The following TMEM107 variants were observed in gnomAD, a reference collection of about 807,000 sequenced individuals.
TMEM107 encodes transmembrane protein 107.
In TMEM107, 18 loss-of-function variants were observed where a neutral mutation model predicts 16.8. The observed-to-expected ratio is 1.07, with a 90% CI of 0.74 to 1.59. TMEM107 has a LOEUF of 1.59. TMEM107 is among the 40% of genes most tolerant of loss of function. The pLI, the probability that TMEM107 is intolerant of heterozygous loss-of-function variation, is 0.00. For synonymous variants in TMEM107, 68 were observed against 71.6 expected (o/e 0.95, Z 0.25); for missense variants, 152 against 175.4 (o/e 0.87, Z 0.75).
Position 8,176,367 on chromosome 17 carries a change from A to G in TMEM107, c.-81T>C. 1.7e-6 allele frequency: 2 copies of G among 1,172,196 alleles called. No individual in the cohort carries two copies. The highest frequency in any genetic ancestry group is 2.4e-6 in the Non-Finnish European group (2 of 822,990). The allele number at this position is 1,172,196 out of a possible 1,614,324, so 72.6% of individuals were successfully genotyped here. ...TCCTGAAGTCTCCCCGCAAGCCGAC[A>G]AATCTAGACGAACGCCTCCTTCCCG... On this transcript the variant is annotated 5_prime_UTR_variant, in exon 1 of 5. Transcript: ENST00000437139.
chr17:8,176,254 G>T lies in TMEM107; in HGVS notation c.33C>A (p.Arg11=). MGRVSGLVPS[R]FLTLLAHLVV... is the part of the protein sequence containing the mutation. ...CCAGATGCGCCAGGAGCGTCAGGAAGCGAGAGGGCACAAGCCCTGAGACCC... is the reference window on the plus strand; with the variant it reads ...CCAGATGCGCCAGGAGCGTCAGGAATCGAGAGGGCACAAGCCCTGAGACCC... Residue 11 remains arginine, a synonymous_variant, in exon 1 of 5, where the codon CGC becomes CGA. Transcript: ENST00000437139. 1.9e-6 allele frequency: 3 copies of T among 1,614,176 alleles called. No individual in the cohort carries two copies. In the East Asian group the frequency reaches 6.7e-5, roughly 36 times the overall value.
At chr17:8,174,716 C>A (rs1983988404) in intron 3 of TMEM107, 100 bp from the exon 4 acceptor site, 2 of 995,492 alleles carry the variant, frequency 2.0e-6, no homozygotes, top group African/African-American at 1.6e-5. Context: ...CAGGTTCATC[C>A]CTTGCTCCCT....
rs1332215550 is a variant in TMEM107 at position 8,173,000 on chromosome 17, AT to A, written c.*1202del. Reference sequence around the variant, plus strand: ...GAGTTTCTTGGGGGTGTACTGGTAGATTTTTAACAACCAACTCTCCAAAAAC... The same window carrying A: ...GAGTTTCTTGGGGGTGTACTGGTAGATTTTAACAACCAACTCTCCAAAAAC... On this transcript the variant is annotated 3_prime_UTR_variant, in exon 5 of 5. Transcript: ENST00000437139. Among the ~76,000 whole-genome samples the A allele has an allele frequency of 6.6e-6, 1 of 152,090 alleles. No homozygotes were observed. Among genetic ancestry groups the A allele is most frequent in the Non-Finnish European group, 1.5e-5 (1 of 68,022 alleles).
chr17:8,174,639 GAA>G, intron 3 of TMEM107, 23 bp from the exon 4 acceptor site: 1 of 1,607,066 alleles, frequency 6.2e-7, no homozygotes. Flanking sequence ...CGAGATTAAG[GAA>G]AGTCTTTGGA....
intron 3 of TMEM107, 77 bp downstream of exon 3, chr17:8,175,680 A>C (rs1164907104): frequency 1.7e-6 from 2 of 1,150,424 alleles, no homozygotes; most frequent in Admixed American, 1.7e-5. Context: ...TACAGCAGAC[A>C]CTATTGTGTC....
chr17:8,173,442 T>G lies in TMEM107; in HGVS notation c.*761A>C, dbSNP rs142700905. On this transcript the variant is annotated 3_prime_UTR_variant, in exon 5 of 5. Coordinates refer to ENST00000437139, the MANE Select transcript of TMEM107 (RefSeq NM_183065.4). ...ATCAGCATAACACAAATGTAAGTGA[T>G]CGTCAGAAAGAATCAGACAGGAGCA... The G allele has an allele frequency of 2.7e-4, 204 of 761,286 alleles. No homozygotes were observed. The highest frequency in any genetic ancestry group is 2.4e-3 in the South Asian group (178 of 74,358). 47.2% of individuals were successfully genotyped at this position (761,286 alleles called of 1,614,324 possible).
Position 8,174,709 on chromosome 17 carries a change from G to A in TMEM107, c.257-93C>T, listed in dbSNP as rs554907626. 3 of 1,079,650 alleles carry A rather than the reference G, an allele frequency of 2.8e-6. No homozygotes were observed. In the South Asian group the frequency reaches 3.8e-5, roughly 14 times the overall value. The allele number at this position is 1,079,650 out of a possible 1,614,324, so 66.9% of individuals were successfully genotyped here. On this transcript the variant is annotated intron_variant, in intron 3 of 4. Coordinates refer to ENST00000437139, the MANE Select transcript of TMEM107 (RefSeq NM_183065.4). ...TGGTGGGGCTGGCATCTGCATTCAGGTTCATCCCTTGCTCCCTCACCATGT... is the reference window on the plus strand; with the variant it reads ...TGGTGGGGCTGGCATCTGCATTCAGATTCATCCCTTGCTCCCTCACCATGT...
At chr17:8,174,727 C>A (rs1983989293) in intron 3 of TMEM107, 111 bp from the exon 4 acceptor site, 3 of 914,292 alleles carry the variant, frequency 3.3e-6, no homozygotes, top group Non-Finnish European at 5.3e-6. Flanking sequence ...CTTGCTCCCT[C>A]ACCATGTTTC....
chr17:8,176,332 A>C lies in TMEM107; in HGVS notation c.-46T>G. ...GCGGTCTCTGAGGCTGGAAGTTCAG[A>C]GACAGCGACTCCTGAAGTCTCCCCG... On this transcript the variant is annotated 5_prime_UTR_variant, in exon 1 of 5. Transcript: ENST00000437139. 1 of 1,511,972 alleles carries C rather than the reference A, an allele frequency of 6.6e-7. No homozygotes were observed. The highest frequency in any genetic ancestry group is 9.1e-7 in the Non-Finnish European group (1 of 1,097,388). The allele number at this position is 1,511,972 out of a possible 1,614,324, so 93.7% of individuals were successfully genotyped here.
Position 8,173,357 on chromosome 17 carries a change from A to C in TMEM107, c.*846T>G, listed in dbSNP as rs1017399243. ...AACAGCAATAGCAAGACTGCAAAAT[A>C]GACAAACAGCAAGGTTATCCCAGTC... On this transcript the variant is annotated 3_prime_UTR_variant, in exon 5 of 5. Coordinates refer to ENST00000437139, the MANE Select transcript of TMEM107 (RefSeq NM_183065.4). 6.5e-6 allele frequency: 4 copies of C among 615,038 alleles called. No homozygotes were observed. The highest frequency in any genetic ancestry group is 4.0e-5 in the South Asian group (2 of 50,038). 38.1% of individuals were successfully genotyped at this position (615,038 alleles called of 1,614,324 possible).
Position 8,173,283 on chromosome 17 carries a change from A to T in TMEM107, c.*920T>A, listed in dbSNP as rs543768311. The stretch of plus-strand genomic sequence containing the variant: ...AATTCCAGAAAGCAACAAAAACCAA[A>T]TCACAATTTTCAAGAACAAACAAAT... On this transcript the variant is annotated 3_prime_UTR_variant, in exon 5 of 5. Transcript: ENST00000437139. 1.9e-6 allele frequency: 1 copy of T among 536,200 alleles called. No individual in the cohort carries two copies. The highest frequency in any genetic ancestry group is 3.3e-6 in the Non-Finnish European group (1 of 299,142). The allele number at this position is 536,200 out of a possible 1,614,324, so 33.2% of individuals were successfully genotyped here.
chr17:8,175,595 T>G, intron 3 of TMEM107, 162 bp downstream of exon 3: 2 of 757,014 alleles, frequency 2.6e-6, no homozygotes, highest in Non-Finnish European at 4.7e-6. Context: ...TTTACTCTCA[T>G]TTTGGGATTT....
Position 8,173,273 on chromosome 17 carries a change from C to G in TMEM107, c.*930G>C. On this transcript the variant is annotated 3_prime_UTR_variant, in exon 5 of 5. Transcript: ENST00000437139. ...TCACTGCCTAAATTCCAGAAAGCAA[C>G]AAAAACCAAATCACAATTTTCAAGA... 1.9e-6 allele frequency: 1 copy of G among 522,544 alleles called. No homozygotes were observed. Among genetic ancestry groups the G allele is most frequent in the South Asian group, 2.6e-5 (1 of 37,892 alleles). The allele number at this position is 522,544 out of a possible 1,614,324, so 32.4% of individuals were successfully genotyped here. A position where few individuals can be genotyped will look rare whatever the true frequency, so the allele number is the denominator to read the frequency against.
At chr17:8,175,388 C>T (rs1055876711) in intron 3 of TMEM107, 5 of 460,856 alleles carry the variant, frequency 1.1e-5, no homozygotes, top group Non-Finnish European at 2.0e-5. Context: ...TCTTCACACA[C>T]TTCTATAGCA....
Position 8,173,741 on chromosome 17 carries a change from T to C in TMEM107, c.*462A>G. On this transcript the variant is annotated 3_prime_UTR_variant, in exon 5 of 5. Transcript: ENST00000437139. ...TCGCACATTTTTTTAAATTTTTTTT[T>C]CATTCGGCTGCCGAAAAGGAATAAA... The C allele has an allele frequency of 1.8e-6, 1 of 560,900 alleles. No homozygotes were observed. The highest frequency in any genetic ancestry group is 3.2e-6 in the Non-Finnish European group (1 of 315,576). 34.7% of individuals were successfully genotyped at this position (560,900 alleles called of 1,614,324 possible). A position where few individuals can be genotyped will look rare whatever the true frequency, so the allele number is the denominator to read the frequency against.
chr17:8,174,650 G>C, intron 3 of TMEM107, 34 bp from the exon 4 acceptor site: 1 of 1,593,784 alleles, frequency 6.3e-7, no homozygotes, highest in South Asian at 1.1e-5. Flanking sequence ...AAAGTCTTTG[G>C]ATCGACAGAC....
At position 8,173,240 on chromosome 17, in the gene TMEM107, GTAT is replaced by G. The variant is rs1476511344; in HGVS notation, c.*960_*962del. On this transcript the variant is annotated 3_prime_UTR_variant, in exon 5 of 5. Coordinates refer to ENST00000437139, the MANE Select transcript of TMEM107 (RefSeq NM_183065.4). ...ACGACAAAAAACAAAGAGCCCATTT[GTAT>G]TATTTCACTGCCTAAATTCCAGAAA... is the stretch of plus-strand genomic sequence containing the variant. 10 of 494,540 alleles carry G rather than the reference GTAT, an allele frequency of 2.0e-5. No individual in the cohort carries two copies. The highest frequency in any genetic ancestry group is 3.3e-5 in the Non-Finnish European group (9 of 275,352). 30.6% of individuals were successfully genotyped at this position (494,540 alleles called of 1,614,324 possible). A position where few individuals can be genotyped will look rare whatever the true frequency, so the allele number is the denominator to read the frequency against.
chr17:8,173,456 C>CA lies in TMEM107; in HGVS notation c.*746dup. 1 of 763,244 alleles carries CA rather than the reference C, an allele frequency of 1.3e-6. No individual in the cohort carries two copies. 47.3% of individuals were successfully genotyped at this position (763,244 alleles called of 1,614,324 possible). ...AATGTAAGTGATCGTCAGAAAGAATCAGACAGGAGCAATCAGGGTGTTGCA... is the reference window on the plus strand; with the variant it reads ...AATGTAAGTGATCGTCAGAAAGAATCAAGACAGGAGCAATCAGGGTGTTGCA... On this transcript the variant is annotated 3_prime_UTR_variant, in exon 5 of 5. Coordinates refer to ENST00000437139, the MANE Select transcript of TMEM107 (RefSeq NM_183065.4).
In TMEM107 at chr17:8,173,938, T is replaced by G. The variant is rs1388713466; in HGVS notation, c.*265A>C. 23 of 506,248 alleles carry G rather than the reference T, an allele frequency of 4.5e-5. No individual in the cohort carries two copies. The highest frequency in any genetic ancestry group is 1.3e-4 in the East Asian group (4 of 29,988). The allele number at this position is 506,248 out of a possible 1,614,324, so 31.4% of individuals were successfully genotyped here. ...TGCAGGACTAGAAAACAGCGTTGTT[T>G]TTTTTTTATTCAGTAGTTCAGCCAT... On this transcript the variant is annotated 3_prime_UTR_variant, in exon 5 of 5. Transcript: ENST00000437139.
Sources: allele counts gnomAD v4.1 joint callset (sites outside exome capture counted in the v4.1 genomes callset), GRCh38; gene constraint gnomAD v4.1.1; transcripts MANE v1.5; gene names NCBI Gene and HGNC (gene_info 2026-07-23, HGNC 2026-07-21).